ELF1: variants seen among roughly 807,000 people sequenced by gnomAD.
The protein encoded by ELF1 is ETS-related transcription factor Elf-1.
In ELF1, 24 loss-of-function variants were observed where a neutral mutation model predicts 59.9. The observed-to-expected ratio is 0.40, with a 90% CI of 0.29 to 0.56. ELF1 has a LOEUF of 0.56. Among genes scored for constraint, ELF1 ranks in the 20% least tolerant of loss-of-function variants. ELF1 has a pLI of 0.44. For synonymous variants in ELF1, 248 were observed against 266.2 expected (o/e 0.93, Z 0.67); for missense variants, 627 against 742.2 (o/e 0.84, Z 1.80).
At chr13:40,997,531 C>G (rs1034914199) in intron 1 of ELF1, among the ~76,000 whole-genome samples, 3 of 151,856 alleles carry the variant, frequency 2.0e-5, no homozygotes, top group Non-Finnish European at 4.4e-5. Context: ...GCTGGAATTA[C>G]AGGTGTGAGC....
chr13:40,938,866 C>T lies in ELF1; in HGVS notation c.1256+2055G>A, dbSNP rs538908046. ...AAAAGGTATAAATAAATAGAGAAAACAAATAATGCAAAATGCTATCAATTT... is the reference window on the plus strand; with the variant it reads ...AAAAGGTATAAATAAATAGAGAAAATAAATAATGCAAAATGCTATCAATTT... On this transcript the variant is annotated intron_variant, in intron 8 of 8. Transcript: ENST00000239882. 3.9e-5 allele frequency among the ~76,000 whole-genome samples: 6 copies of T among 151,954 alleles called. No individual in the cohort carries two copies. In the South Asian group the frequency reaches 6.2e-4, roughly 16 times the overall value.
chr13:40,990,209 G>A (rs917319844), intron 1 of ELF1, among the ~76,000 whole-genome samples: 5 of 152,154 alleles, frequency 3.3e-5, no homozygotes, highest in African/African-American at 1.2e-4. Flanking sequence ...AATATTCAGT[G>A]TTCATTGACT....
At chr13:40,941,506 T>C in intron 7 of ELF1, 136 bp from the exon 8 acceptor site, 3 of 774,796 alleles carry the variant, frequency 3.9e-6, no homozygotes, top group Non-Finnish European at 6.1e-6. Flanking sequence ...AATAAAGGGC[T>C]GTTATTTTAT....
intron 8 of ELF1, 115 bp downstream of exon 8, chr13:40,940,806 A>T: frequency 8.2e-7 from 1 of 1,221,260 alleles, no homozygotes; most frequent in Non-Finnish European, 1.1e-6. Context: ...CAAGAATTCT[A>T]GCTTGAAACC....
chr13:40,952,903 A>C (rs1020994501), intron 3 of ELF1, among the ~76,000 whole-genome samples: 3 of 152,086 alleles, frequency 2.0e-5, no homozygotes, highest in African/African-American at 7.2e-5. Context: ...TTTATCTCTA[A>C]ATACTTTAGC....
At chr13:40,954,463 C>G (rs972178366) in intron 3 of ELF1, among the ~76,000 whole-genome samples, 3 of 151,710 alleles carry the variant, frequency 2.0e-5, no homozygotes, top group African/African-American at 7.3e-5. Context: ...CGGTCTCCCT[C>G]TCCCTCTCTT....
intron 1 of ELF1, among the ~76,000 whole-genome samples, chr13:41,006,730 C>T (rs530718206): frequency 6.6e-6 from 1 of 152,304 alleles, no homozygotes; most frequent in East Asian, 1.9e-4. Flanking sequence ...AAATAATTTA[C>T]ACAATATACC....
At chr13:41,052,263 A>C (rs1425308945) in intron 1 of ELF1, among the ~76,000 whole-genome samples, 1 of 152,064 alleles carries the variant, frequency 6.6e-6, no homozygotes, top group Non-Finnish European at 1.5e-5. Context: ...AAAGAACAAA[A>C]TGTTTTAGTA....
intron 1 of ELF1, among the ~76,000 whole-genome samples, chr13:41,049,794 G>A (rs147391074): frequency 4.7e-4 from 71 of 152,260 alleles, no homozygotes; most frequent in African/African-American, 1.7e-3. Flanking sequence ...CCTGCCATGC[G>A]TGTACACTTA....
intron 2 of ELF1, among the ~76,000 whole-genome samples, chr13:40,973,819 T>C (rs568324126): frequency 6.6e-6 from 1 of 152,280 alleles, no homozygotes; most frequent in African/African-American, 2.4e-5. Flanking sequence ...TATGATACAA[T>C]ATTATTCAGT....
chr13:40,987,447 A>T (rs942929860), intron 1 of ELF1, among the ~76,000 whole-genome samples: 47 of 150,658 alleles, frequency 3.1e-4, no homozygotes, highest in African/African-American at 1.0e-3. Context: ...TTAGCTGGGC[A>T]TGGTGGTGAG....
intron 4 of ELF1, among the ~76,000 whole-genome samples, chr13:40,950,911 G>GTTAA (rs1397247796): frequency 2.6e-5 from 4 of 152,156 alleles, no homozygotes; most frequent in Non-Finnish European, 4.4e-5. Context: ...AGGAGAACAG[G>GTTAA]AATTTTAAAG....
chr13:41,030,987 C>G (rs1265517006), intron 1 of ELF1, among the ~76,000 whole-genome samples: 5 of 149,092 alleles, frequency 3.4e-5, no homozygotes, highest in Non-Finnish European at 4.5e-5. Flanking sequence ...ATGATGAAAC[C>G]CCATTTCTAC....
chr13:40,986,435 G>A (rs1455484737), intron 1 of ELF1, among the ~76,000 whole-genome samples: 1 of 152,208 alleles, frequency 6.6e-6, no homozygotes, highest in East Asian at 1.9e-4. Context: ...AGCGCTGTAA[G>A]TATATGCAAG....
intron 2 of ELF1, among the ~76,000 whole-genome samples, chr13:40,962,749 C>G (rs1365536719): frequency 6.6e-6 from 1 of 151,596 alleles, no homozygotes; most frequent in Non-Finnish European, 1.5e-5. Flanking sequence ...AAGGCAGCCA[C>G]ATGTAGCAGA....
intron 1 of ELF1, among the ~76,000 whole-genome samples, chr13:41,051,934 C>CTTTTTTTTTT (rs757348738): frequency 6.3e-5 from 8 of 127,250 alleles, no homozygotes; most frequent in African/African-American, 1.5e-4. Flanking sequence ...TTCTTTTTCT[C>CTTTTTTTTTT]TTTTTTTTTT....
At chr13:40,960,039 C>G (rs148421681) in intron 2 of ELF1, among the ~76,000 whole-genome samples, 4 of 152,252 alleles carry the variant, frequency 2.6e-5, no homozygotes, top group East Asian at 3.9e-4. Context: ...TAACATTTAA[C>G]CACATCTATT....
At chr13:40,971,041 G>A (rs1206312655) in intron 2 of ELF1, among the ~76,000 whole-genome samples, 1 of 152,088 alleles carries the variant, frequency 6.6e-6, no homozygotes, top group African/African-American at 2.4e-5. Flanking sequence ...GCCAGAAAAA[G>A]CTGAAATCTG....
intron 1 of ELF1, among the ~76,000 whole-genome samples, chr13:41,002,114 G>A (rs1283975890): frequency 6.6e-6 from 1 of 152,004 alleles, no homozygotes. Flanking sequence ...AAATCTGGGG[G>A]GGAAATAGGT....
Sources: allele counts gnomAD v4.1 joint callset (sites outside exome capture counted in the v4.1 genomes callset), GRCh38; gene constraint gnomAD v4.1.1; transcripts MANE v1.5; gene names NCBI Gene and HGNC (gene_info 2026-07-23, HGNC 2026-07-21).